The following ZNF846 variants were observed in gnomAD, a reference collection of about 807,000 sequenced individuals.
ZNF846 encodes the protein zinc finger protein 420 pseudogene.
A neutral mutation model predicts 16.0 loss-of-function variants in ZNF846; 15 were observed. That is an observed-to-expected ratio of 0.94 (90% CI 0.63 to 1.45). The LOEUF (loss-of-function observed/expected upper bound fraction) is 1.45. Ranked by LOEUF, ZNF846 falls within the 40% of genes most tolerant of loss-of-function variation. The pLI is 0.00. For missense variants in ZNF846, 714 were observed against 622.3 expected (o/e 1.15, Z -1.57); for synonymous variants, 229 against 212.0 (o/e 1.08, Z -0.70).
intron 1 of ZNF846, among the ~76,000 whole-genome samples, chr19:9,775,317 G>GA (rs1469171504): frequency 6.6e-6 from 1 of 151,676 alleles, no homozygotes; most frequent in African/African-American, 2.4e-5. Flanking sequence ...TAATACCCAA[G>GA]AAAACTCTGA....
intron 2 of ZNF846, among the ~76,000 whole-genome samples, chr19:9,764,054 G>A (rs2045274506): frequency 6.6e-6 from 1 of 152,200 alleles, no homozygotes; most frequent in Non-Finnish European, 1.5e-5. Flanking sequence ...AGTCAGGGAG[G>A]TTTCACATCA....
intron 1 of ZNF846, among the ~76,000 whole-genome samples, chr19:9,777,402 G>A (rs757906984): frequency 4.0e-5 from 6 of 151,432 alleles, no homozygotes; most frequent in Non-Finnish European, 8.8e-5. Context: ...GCCGGGTGCG[G>A]TGGCTCATGC....
chr19:9,756,064 T>A (rs1599381782), downstream of ZNF846: 1 of 148,556 alleles, frequency 6.7e-6, no homozygotes, highest in East Asian at 2.0e-4. Context: ...GGTCTCAAAC[T>A]CCTGACCTCA....
In ZNF846 at chr19:9,765,028, A is replaced by G. The variant is rs2045292385; in HGVS notation, c.-78T>C. The stretch of plus-strand genomic sequence containing the variant: ...CATGAAGACAGAAAGTGTCCTGGAA[A>G]AAATGACCTTTGGAAAAGAATAATG... On this transcript the variant is annotated 5_prime_UTR_variant, in exon 2 of 6. Transcript: ENST00000397902. 9.1e-6 allele frequency: 14 copies of G among 1,530,176 alleles called. No homozygotes were observed. In the South Asian group the frequency reaches 1.5e-4, roughly 16 times the overall value. 94.8% of individuals were successfully genotyped at this position (1,530,176 alleles called of 1,614,324 possible).
chr19:9,752,364 T>C, exon 6 of ZNF846: 1 of 290,718 alleles, frequency 3.4e-6, no homozygotes, highest in Non-Finnish European at 7.3e-6. Context: ...TCCCAGCACT[T>C]TGGGAGGCCA....
At chr19:9,781,033 C>G (rs143703015) in intron 1 of ZNF846, among the ~76,000 whole-genome samples, 1 of 152,350 alleles carries the variant, frequency 6.6e-6, no homozygotes, top group Non-Finnish European at 1.5e-5. Context: ...GACTTGGCTT[C>G]TGCATTCATA....
downstream of ZNF846, chr19:9,751,989 T>G (rs892065209): frequency 6.6e-6 from 1 of 152,252 alleles, no homozygotes; most frequent in Non-Finnish European, 1.5e-5. Flanking sequence ...TAAAATGAGA[T>G]CTTGCGGGGT....
chr19:9,771,976 C>A (rs1464463703), upstream of ZNF846, among the ~76,000 whole-genome samples: 1 of 152,022 alleles, frequency 6.6e-6, no homozygotes. Context: ...CCGTGTTGGT[C>A]AGGATGGTCT....
upstream of ZNF846, among the ~76,000 whole-genome samples, chr19:9,770,696 G>A (rs566177033): frequency 6.6e-6 from 1 of 151,466 alleles, no homozygotes; most frequent in Non-Finnish European, 1.5e-5. Context: ...GGTGAAACAC[G>A]GTCTCTACTA....
downstream of ZNF846, chr19:9,756,404 T>TAACATTC (rs1723702295): frequency 7.1e-6 from 1 of 140,316 alleles, no homozygotes; most frequent in African/African-American, 2.8e-5. Context: ...CCCATATTTC[T>TAACATTC]AACATTCATA....
chr19:9,761,004 C>A (rs550120281), intron 4 of ZNF846, among the ~76,000 whole-genome samples: 1 of 151,676 alleles, frequency 6.6e-6, no homozygotes, highest in African/African-American at 2.4e-5. Context: ...TTGAGACCAG[C>A]CTGGCCAACA....
chr19:9,756,543 T>C (rs1460996739), downstream of ZNF846: 1 of 151,142 alleles, frequency 6.6e-6, no homozygotes, highest in African/African-American at 2.5e-5. Flanking sequence ...GGAAGAATTC[T>C]TAACACATCT....
At chr19:9,750,677 C>T (rs946588751), downstream of ZNF846, among the ~76,000 whole-genome samples, 14 of 152,162 alleles carry the variant, frequency 9.2e-5, no homozygotes, top group African/African-American at 3.4e-4. Flanking sequence ...CCCATTAATC[C>T]CTTTACTTGT....
intron 2 of ZNF846, 197 bp from the exon 3 acceptor site, chr19:9,763,605 C>G (rs2045266387): frequency 2.3e-6 from 1 of 439,220 alleles, no homozygotes; most frequent in South Asian, 6.9e-5. Context: ...CATGACTAAA[C>G]TGATCTTCCT....
At chr19:9,775,345 G>A (rs1392813725) in intron 1 of ZNF846, among the ~76,000 whole-genome samples, 1 of 151,934 alleles carries the variant, frequency 6.6e-6, no homozygotes, top group Non-Finnish European at 1.5e-5. Flanking sequence ...AAGTGACAAT[G>A]CCCTACAGAT....
chr19:9,769,773 C>A (rs993827230), upstream of ZNF846, among the ~76,000 whole-genome samples: 1 of 151,776 alleles, frequency 6.6e-6, no homozygotes, highest in Non-Finnish European at 1.5e-5. Flanking sequence ...TTCAGGAGTT[C>A]GAGACCAGCC....
chr19:9,753,219 A>AATTTATTTATTTATTTATTT (rs57885198), downstream of ZNF846, among the ~76,000 whole-genome samples: 1 of 134,512 alleles, frequency 7.4e-6, no homozygotes, highest in Non-Finnish European at 1.6e-5. Context: ...GAGGAGACAA[A>AATTTATTTATTTATTTATTT]ATTTATTTAT....
intron 1 of ZNF846, among the ~76,000 whole-genome samples, chr19:9,767,869 T>C (rs1236498935): frequency 6.6e-6 from 1 of 151,726 alleles, no homozygotes; most frequent in African/African-American, 2.4e-5. Flanking sequence ...GGAGACAGAG[T>C]TTACAGTGAG....
upstream of ZNF846, among the ~76,000 whole-genome samples, chr19:9,770,755 G>C (rs533205969): frequency 1.4e-4 from 22 of 152,138 alleles, no homozygotes; most frequent in Non-Finnish European, 2.6e-4. Context: ...TGTAATCCCA[G>C]CTTCTCGGGA....
Sources: gnomAD v4.1 joint callset for allele counts (sites outside exome capture counted in the v4.1 genomes callset) on GRCh38, gnomAD v4.1.1 for gene constraint, MANE v1.5 for transcripts, NCBI Gene and HGNC (gene_info 2026-07-23, HGNC 2026-07-21) for gene names.